The following CLUH variants were observed in gnomAD, a reference collection of about 807,000 sequenced individuals.
The protein encoded by CLUH is CLUH binding protein of NUMT mRNA.
In CLUH, 77 loss-of-function variants were observed where a neutral mutation model predicts 139.3. The observed-to-expected ratio is 0.55, with a 90% CI of 0.46 to 0.67. The LOEUF is 0.67. Among genes scored for constraint, CLUH ranks in the 30% least tolerant of loss-of-function variants. The probability of loss-of-function intolerance (pLI) is 0.00; values close to 1 mark genes in which losing one functional copy is unlikely to be tolerated. For missense variants in CLUH, 1,876 were observed against 1,875.8 expected (o/e 1.00, Z 0.00); for synonymous variants, 999 against 801.6 (o/e 1.25, Z -4.16).
intron 22 of CLUH, 77 bp downstream of exon 22, chr17:2,692,284 C>T: frequency 6.8e-7 from 1 of 1,471,024 alleles, no homozygotes; most frequent in Non-Finnish European, 9.0e-7. Flanking sequence ...GACAGGAGCA[C>T]TGGGTCTCTT....
chr17:2,697,380 CAA>C (rs1195675194), intron 10 of CLUH, among the ~76,000 whole-genome samples: 2 of 145,510 alleles, frequency 1.4e-5, no homozygotes, highest in East Asian at 2.0e-4. Flanking sequence ...GCCTAGGCGA[CAA>C]GAGTGAAACT....
At position 2,694,695 on chromosome 17, in the gene CLUH, G is replaced by A. The variant is rs1017217208; in HGVS notation, c.2853-131C>T. The A allele has an allele frequency of 2.0e-5, 26 of 1,285,746 alleles. 1 individual carries two copies. In the Admixed American group the frequency reaches 2.1e-4, roughly 10 times the overall value. The allele number at this position is 1,285,746 out of a possible 1,614,324, so 79.6% of individuals were successfully genotyped here. A position where few individuals can be genotyped will look rare whatever the true frequency, so the allele number is the denominator to read the frequency against. On this transcript the variant is annotated intron_variant, in intron 16 of 25. Coordinates refer to ENST00000651024, the MANE Select transcript of CLUH (RefSeq NM_001366661.1). The stretch of plus-strand genomic sequence containing the variant: ...CCCACCCGGCCCCCGGGAGCCTCCC[G>A]GCTGCCCTCACCCTCCAGCACCCAG...
chr17:2,698,667 C>CT, intron 9 of CLUH, 77 bp from the exon 10 acceptor site: 1 of 1,366,654 alleles, frequency 7.3e-7, no homozygotes, highest in Non-Finnish European at 9.7e-7. Context: ...GCGCACGCAC[C>CT]TAGACCGCGG....
chr17:2,700,424 C>A lies in CLUH; in HGVS notation c.1224G>T (p.Lys408Asn), dbSNP rs1377403599. 1 of 1,613,518 alleles carries A rather than the reference C, an allele frequency of 6.2e-7. No individual in the cohort carries two copies. Among genetic ancestry groups the A allele is most frequent in the South Asian group, 1.1e-5 (1 of 90,986 alleles). Residue 408 changes from lysine (K) to asparagine (N), a missense_variant, in exon 9 of 26, where the codon AAG becomes AAT. Physicochemically the swap from Lys to Asn is moderately conservative, Grantham distance 94 (BLOSUM62 0). This residue lies in a region of CLUH where 1,454 missense variants were observed against 1,384.4 expected (regional missense o/e 1.05). Coordinates refer to ENST00000651024, the MANE Select transcript of CLUH (RefSeq NM_001366661.1). ...ELQTTRELPR[K>N]NLPERLLRER... is the part of the protein sequence containing the mutation. ...CTCGGAGCAGCCGCTCAGGCAGGTTCTTGCGAGGCAGCTCCCTCGTCGTCT... is the reference window on the plus strand; with the variant it reads ...CTCGGAGCAGCCGCTCAGGCAGGTTATTGCGAGGCAGCTCCCTCGTCGTCT...
chr17:2,697,456 C>T (rs539590187), intron 10 of CLUH, among the ~76,000 whole-genome samples: 58 of 152,060 alleles, frequency 3.8e-4, no homozygotes, highest in Non-Finnish European at 7.2e-4. Flanking sequence ...AGAGGAGCTC[C>T]CCATCCAGGT....
rs747901668 is a variant in CLUH at position 2,692,872 on chromosome 17, CAGT to C, written c.3232-15_3232-13del. On this transcript the variant is annotated splice_polypyrimidine_tract_variant and intron_variant, in intron 19 of 25. Coordinates refer to ENST00000651024, the MANE Select transcript of CLUH (RefSeq NM_001366661.1). ...TGGTTACTCAGGGCCTGGGGAGAGA[CAGT>C]GGTGGTTGCCGCGGCGTGGGAACCC... 1.1e-5 allele frequency: 17 copies of C among 1,573,968 alleles called. No homozygotes were observed. The highest frequency in any genetic ancestry group is 3.6e-5 in the Admixed American group (2 of 55,316).
rs775190162 is a variant in CLUH at position 2,696,954 on chromosome 17, G to A, written c.1962-12C>T. ...TAAAGAGGAGGTACCTGGAGCAGAG[G>A]AAACAGGGCAGAGCAGGAGCTGGAC... On this transcript the variant is annotated splice_polypyrimidine_tract_variant and intron_variant, in intron 10 of 25. Transcript: ENST00000651024. The A allele has an allele frequency of 3.9e-6, 6 of 1,546,178 alleles. No homozygotes were observed. Among genetic ancestry groups the A allele is most frequent in the South Asian group, 3.7e-5 (3 of 81,024 alleles).
chr17:2,694,943 G>C lies in CLUH; in HGVS notation c.2766C>G (p.Asn922Lys), dbSNP rs371894031. Residue 922 changes from asparagine to lysine, a missense_variant, in exon 16 of 26, where the codon AAC becomes AAG. Physicochemically the swap from Asn to Lys is moderately conservative, Grantham distance 94. Transcript: ENST00000651024. Reference protein sequence around the residue: ...RKNRPPGAADNTAWAVMTPQE... With the variant: ...RKNRPPGAADKTAWAVMTPQE... ...GGGGGGTCATGACAGCCCAGGCTGT[G>C]TTATCTGCAGCCCCCGGGGGCCGGT... 2 of 1,611,340 alleles carry C rather than the reference G, an allele frequency of 1.2e-6. No individual in the cohort carries two copies. Among genetic ancestry groups the C allele is most frequent in the Non-Finnish European group, 1.7e-6 (2 of 1,178,846 alleles).
In CLUH at chr17:2,704,222, G is replaced by A; in HGVS notation, c.303+140C>T. The A allele has an allele frequency of 2.3e-6, 2 of 876,714 alleles. No individual in the cohort carries two copies. The highest frequency in any genetic ancestry group is 3.4e-6 in the Non-Finnish European group (2 of 583,954). The allele number at this position is 876,714 out of a possible 1,614,324, so 54.3% of individuals were successfully genotyped here. A position where few individuals can be genotyped will look rare whatever the true frequency, so the allele number is the denominator to read the frequency against. On this transcript the variant is annotated intron_variant, in intron 2 of 25. Coordinates refer to ENST00000651024, the MANE Select transcript of CLUH (RefSeq NM_001366661.1). The surrounding 1 kb of genome is among the most constrained non-coding windows in gnomAD (Gnocchi z 5.7). ...TTCCCACGTCCACCACGCTAGCTGA[G>A]TGACTCTAGGGAGGGCACGGGATCC...
intron 16 of CLUH, 123 bp from the exon 17 acceptor site, chr17:2,694,687 A>G (rs2069860766): frequency 4.7e-6 from 6 of 1,274,890 alleles, no homozygotes; most frequent in Non-Finnish European, 4.2e-6. Context: ...GGCCCCCGGG[A>G]GCCTCCCGGC....
rs1200154246 is a variant in CLUH, at chr17:2,696,269, G to A, written c.2291-10C>T. The A allele has an allele frequency of 2.6e-6, 4 of 1,564,492 alleles. No homozygotes were observed. Among genetic ancestry groups the A allele is most frequent in the East Asian group, 2.4e-5 (1 of 42,094 alleles). ...TCAGGGAAACGAACCCCTGGAGGAG[G>A]GAGAGCAGAGAGGCTGAGCCAGGCA... On this transcript the variant is annotated splice_polypyrimidine_tract_variant and intron_variant, in intron 12 of 25. Coordinates refer to ENST00000651024, the MANE Select transcript of CLUH (RefSeq NM_001366661.1).
intron 9 of CLUH, 102 bp downstream of exon 9, chr17:2,700,263 GGGAACCTGACAGGGTTA>G (rs2070126671): frequency 5.5e-6 from 5 of 901,200 alleles, no homozygotes; most frequent in Non-Finnish European, 8.4e-6. Flanking sequence ...CTGGCCTTCG[GGGAACCTGACAGGGTTA>G]GGGCTGCCCC....
rs376734705 is a variant in CLUH at position 2,691,691 on chromosome 17, C to A, written c.3790-9G>T. On this transcript the variant is annotated splice_polypyrimidine_tract_variant and intron_variant, in intron 24 of 25. Transcript: ENST00000651024. ...ATGCTGGGGGCCGTGAACTGCGGGG[C>A]GGGGAAACCAGCGGTGAGCGGGGCT... 1.5e-5 allele frequency: 24 copies of A among 1,611,448 alleles called. No homozygotes were observed. The highest frequency in any genetic ancestry group is 2.0e-5 in the Non-Finnish European group (24 of 1,178,886).
At position 2,700,494 on chromosome 17, in the gene CLUH, G is replaced by C; in HGVS notation, c.1174-20C>G. On this transcript the variant is annotated intron_variant, in intron 8 of 25. Transcript: ENST00000651024. Reference sequence around the variant, plus strand: ...TCGGGTCTGCAGAGAGATCAGGGAGGGAAAAACGAGCTCAGCCTGTGCCCT... The same window carrying C: ...TCGGGTCTGCAGAGAGATCAGGGAGCGAAAAACGAGCTCAGCCTGTGCCCT... 1 of 1,603,496 alleles carries C rather than the reference G, an allele frequency of 6.2e-7. No homozygotes were observed. Among genetic ancestry groups the C allele is most frequent in the Non-Finnish European group, 8.5e-7 (1 of 1,176,544 alleles).
At position 2,697,964 on chromosome 17, in the gene CLUH, G is replaced by C. The variant is rs1055596560; in HGVS notation, c.1893C>G (p.Phe631Leu). ...AGAGCTTGTGCCGGTGGGCGCGGGG[G>C]AAGCCGGCGCGGGCGCATTCCTCAG... The part of the protein sequence containing the change: ...ELPEECARAG[F>L]PRAHRHKLCC... Residue 631 changes from phenylalanine to leucine, a missense_variant, in exon 10 of 26, where the codon TTC becomes TTG. This residue lies in a region of CLUH where 1,454 missense variants were observed against 1,384.4 expected (regional missense o/e 1.05). Transcript: ENST00000651024. 3 of 1,572,276 alleles carry C rather than the reference G, an allele frequency of 1.9e-6. No homozygotes were observed. Among genetic ancestry groups the C allele is most frequent in the Non-Finnish European group, 2.6e-6 (3 of 1,164,874 alleles).
intron 1 of CLUH, among the ~76,000 whole-genome samples, chr17:2,709,831 C>A (rs756224841): frequency 1.4e-4 from 22 of 152,116 alleles, no homozygotes; most frequent in Non-Finnish European, 4.4e-5. Context: ...CTGGCTGTAA[C>A]GTAAGTCCTA....
At chr17:2,691,483 C>T (rs2069630482) in intron 25 of CLUH, 126 bp downstream of exon 25, 1 of 925,168 alleles carries the variant, frequency 1.1e-6, no homozygotes, top group Non-Finnish European at 1.7e-6. Context: ...AATCGCTGAA[C>T]CCGGGAGGCG....
rs773914181 is a variant in CLUH, at chr17:2,690,609, C to T, written c.4032G>A (p.Pro1344=). 8 of 1,491,078 alleles carry T rather than the reference C, an allele frequency of 5.4e-6. No homozygotes were observed. In the South Asian group the frequency reaches 8.1e-5, roughly 15 times the overall value. 92.4% of individuals were successfully genotyped at this position (1,491,078 alleles called of 1,614,324 possible). A position where few individuals can be genotyped will look rare whatever the true frequency, so the allele number is the denominator to read the frequency against. Residue 1344 remains proline, a synonymous_variant, in exon 26 of 26, where the codon CCG becomes CCA. Coordinates refer to ENST00000651024, the MANE Select transcript of CLUH (RefSeq NM_001366661.1). ...GGCTCCCTCTCTATCCCTGCACGCTCGGAGAAGGGTCCTTGGCAGCCGGGG... is the reference window on the plus strand; with the variant it reads ...GGCTCCCTCTCTATCCCTGCACGCTTGGAGAAGGGTCCTTGGCAGCCGGGG... ...SQPPAAKDPS[P]SVQG
intron 19 of CLUH, 135 bp downstream of exon 19, chr17:2,693,765 G>A (rs938480784): frequency 1.0e-5 from 12 of 1,145,240 alleles, no homozygotes; most frequent in Non-Finnish European, 1.5e-5. Flanking sequence ...GAGGGGTGGA[G>A]CCAGGGGTGG....
Sources: gnomAD v4.1 joint callset for allele counts (sites outside exome capture counted in the v4.1 genomes callset) on GRCh38, gnomAD v4.1.1 for gene constraint, gnomAD v4.1.1 regional missense constraint, Gnocchi (gnomAD v3.1) non-coding constraint, MANE v1.5 for transcripts, NCBI Gene and HGNC (gene_info 2026-07-23, HGNC 2026-07-21) for gene names.